SYT9: variants seen among roughly 807,000 people sequenced by gnomAD.
The protein encoded by SYT9 is synaptotagmin 9, also known as synaptotagmin-9.
SYT9 carries 22 observed loss-of-function variants against 48.4 expected under a neutral mutation model. The observed-to-expected ratio is 0.45, with a 90% CI of 0.32 to 0.65. The LOEUF is 0.65. Among genes scored for constraint, SYT9 ranks in the 30% least tolerant of loss-of-function variants. The probability of loss-of-function intolerance (pLI) is 0.03; values close to 1 mark genes in which losing one functional copy is unlikely to be tolerated. For synonymous variants in SYT9, 265 were observed against 245.0 expected, an observed-to-expected ratio of 1.08 and a Z score of -0.76; for missense variants, 577 against 622.0, an observed-to-expected ratio of 0.93 and a Z score of 0.77.
intron 3 of SYT9, among the ~76,000 whole-genome samples, chr11:7,406,055 T>C (rs2134082153): frequency 6.6e-6 from 1 of 152,280 alleles, no homozygotes; most frequent in Middle Eastern, 3.4e-3. Flanking sequence ...CAAAATATTA[T>C]AGATATATAT....
intron 3 of SYT9, among the ~76,000 whole-genome samples, chr11:7,414,548 T>G (rs1432545919): frequency 6.6e-6 from 1 of 152,176 alleles, no homozygotes; most frequent in Non-Finnish European, 1.5e-5. Flanking sequence ...CCTCCAGTCG[T>G]ATAGAATTCT....
rs578047014 is a variant in SYT9, at chr11:7,367,805, A to G, written c.1045-48237A>G. Among the ~76,000 whole-genome samples, 6 of 152,220 alleles carry G rather than the reference A, an allele frequency of 3.9e-5. No individual in the cohort carries two copies. In the South Asian group the frequency reaches 1.2e-3, roughly 32 times the overall value. On this transcript the variant is annotated intron_variant, in intron 3 of 6. Coordinates refer to ENST00000318881, the MANE Select transcript of SYT9 (RefSeq NM_175733.4). ...GATTTAGGCTTAGAATGCTCCTCCA[A>G]CCCACACCCTCATTCCTGAGTTTAT...
intron 3 of SYT9, among the ~76,000 whole-genome samples, chr11:7,363,910 T>C (rs534469273): frequency 2.1e-4 from 32 of 152,244 alleles, no homozygotes; most frequent in Non-Finnish European, 3.5e-4. Context: ...GTCAAAGATA[T>C]GGAATTAGAG....
intron 1 of SYT9, among the ~76,000 whole-genome samples, chr11:7,284,218 T>G (rs536285234): frequency 6.6e-6 from 1 of 152,190 alleles, no homozygotes; most frequent in African/African-American, 2.4e-5. Context: ...ACATTTTGCA[T>G]TGAGAAGCCA....
At chr11:7,422,340 A>T (rs761194862) in intron 6 of SYT9, among the ~76,000 whole-genome samples, 1 of 152,148 alleles carries the variant, frequency 6.6e-6, no homozygotes, top group South Asian at 2.1e-4. Flanking sequence ...GGACCCCCTA[A>T]TTTGCGGGTT....
intron 3 of SYT9, among the ~76,000 whole-genome samples, chr11:7,330,291 G>C (rs1246399948): frequency 6.6e-6 from 1 of 152,088 alleles, no homozygotes; most frequent in Non-Finnish European, 1.5e-5. Flanking sequence ...GTGAAAAAAA[G>C]CAAGACTCAA....
chr11:7,426,766 A>G (rs934366724), intron 6 of SYT9, among the ~76,000 whole-genome samples: 1 of 152,064 alleles, frequency 6.6e-6, no homozygotes, highest in African/African-American at 2.4e-5. Flanking sequence ...TGGTGGAAAC[A>G]ATATATATCT....
chr11:7,363,042 TTTGCTCTTCTC>T (rs1850175930), intron 3 of SYT9, among the ~76,000 whole-genome samples: 1 of 85,416 alleles, frequency 1.2e-5, no homozygotes, highest in Non-Finnish European at 2.8e-5. Context: ...ATACCTTTCT[TTTGCTCTTCTC>T]AAACATTCCA....
intron 2 of SYT9, among the ~76,000 whole-genome samples, chr11:7,306,339 G>C (rs749319726): frequency 4.6e-5 from 7 of 152,174 alleles, no homozygotes; most frequent in Non-Finnish European, 1.0e-4. Context: ...AATGTCTTAT[G>C]TAACACTTCA....
intron 3 of SYT9, among the ~76,000 whole-genome samples, chr11:7,346,950 G>T (rs771216577): frequency 2.0e-5 from 3 of 152,174 alleles, no homozygotes; most frequent in Non-Finnish European, 4.4e-5. Context: ...ATTTGTTTAA[G>T]TAAGGAAACT....
Position 7,420,527 on chromosome 11 carries a change from C to A in SYT9, c.1359C>A (p.Ile453=). 6.2e-7 allele frequency: 1 copy of A among 1,614,054 alleles called. No homozygotes were observed. The highest frequency in any genetic ancestry group is 8.5e-7 in the Non-Finnish European group (1 of 1,179,974). ...ACAGTGTAGGTCACAATGAGATCAT[C>A]GGCGTGTGTCAAGTAGGCAACGAGG... The part of the protein sequence containing the change: ...DYDRVGHNEI[I]GVCQVGNEAE... Residue 453 remains isoleucine, a synonymous_variant, in exon 6 of 7, where the codon ATC becomes ATA. Transcript: ENST00000318881.
chr11:7,242,030 T>G (rs895576204), intron 1 of SYT9, among the ~76,000 whole-genome samples: 2 of 152,184 alleles, frequency 1.3e-5, no homozygotes, highest in African/African-American at 4.8e-5. Context: ...CAATAACTAT[T>G]TCAAATGCTT....
chr11:7,313,289 A>T (rs1364768125), intron 2 of SYT9, 106 bp from the exon 3 acceptor site: 13 of 1,209,128 alleles, frequency 1.1e-5, no homozygotes, highest in African/African-American at 1.5e-5. Flanking sequence ...CACAGATCTA[A>T]GCTCCTGACA....
Position 7,405,855 on chromosome 11 carries a change from A to G in SYT9, c.1045-10187A>G, listed in dbSNP as rs148293244. ...ACTTTAAAGGATTTATTTTACAAGCACTTGAAAATAAAATCAAGCATTTTC... is the reference window on the plus strand; with the variant it reads ...ACTTTAAAGGATTTATTTTACAAGCGCTTGAAAATAAAATCAAGCATTTTC... On this transcript the variant is annotated intron_variant, in intron 3 of 6. Coordinates refer to ENST00000318881, the MANE Select transcript of SYT9 (RefSeq NM_175733.4). 2.6e-5 allele frequency among the ~76,000 whole-genome samples: 4 copies of G among 152,322 alleles called. No individual in the cohort carries two copies. The East Asian group carries it at 7.7e-4, about 29-fold the overall frequency.
At chr11:7,292,330 G>A (rs776147934) in intron 1 of SYT9, among the ~76,000 whole-genome samples, 6 of 152,222 alleles carry the variant, frequency 3.9e-5, no homozygotes, top group Non-Finnish European at 8.8e-5. Context: ...AGCCAATACA[G>A]TAGTGCCAAG....
intron 4 of SYT9, among the ~76,000 whole-genome samples, chr11:7,416,615 A>G (rs151074783): frequency 6.3e-4 from 96 of 152,358 alleles, no homozygotes; most frequent in Non-Finnish European, 1.1e-3. Context: ...TTTACACAGC[A>G]TTTATGCCTG....
intron 3 of SYT9, among the ~76,000 whole-genome samples, chr11:7,397,370 C>T (rs1451718500): frequency 2.0e-5 from 3 of 152,206 alleles, no homozygotes; most frequent in Admixed American, 1.3e-4. Flanking sequence ...TCATTTTGTT[C>T]CATTGAGTGC....
Position 7,313,937 on chromosome 11 carries a change from C to G in SYT9, c.1040C>G (p.Thr347Ser), listed in dbSNP as rs1319252844. 6.2e-7 allele frequency: 1 copy of G among 1,609,362 alleles called. No homozygotes were observed. Among genetic ancestry groups the G allele is most frequent in the Non-Finnish European group, 8.5e-7 (1 of 1,178,384 alleles). ...CILWKDIEYV[T>S]NDNVDLGELM... The stretch of plus-strand genomic sequence containing the variant: ...CTTTGGAAGGATATCGAATATGTCA[C>G]CAATGTGAGTCCAGCATTTCTTCAT... Residue 347 changes from threonine to serine, a missense_variant, in exon 3 of 7, where the codon ACC (threonine) becomes AGC (serine). Physicochemically the swap from Thr to Ser is moderately conservative, Grantham distance 58. Coordinates refer to ENST00000318881, the MANE Select transcript of SYT9 (RefSeq NM_175733.4).
At chr11:7,323,968 T>C (rs1269319511) in intron 3 of SYT9, among the ~76,000 whole-genome samples, 1 of 151,994 alleles carries the variant, frequency 6.6e-6, no homozygotes, top group Non-Finnish European at 1.5e-5. Flanking sequence ...TTATCTCTTT[T>C]CCTAGTCTCT....
Sources: gnomAD v4.1 joint callset for allele counts (sites outside exome capture counted in the v4.1 genomes callset) on GRCh38, gnomAD v4.1.1 for gene constraint, MANE v1.5 for transcripts, NCBI Gene and HGNC (gene_info 2026-07-23, HGNC 2026-07-21) for gene names.